The following SEC23IP variants were observed in gnomAD, a reference collection of about 807,000 sequenced individuals.
SEC23IP encodes SEC23-interacting protein.
A neutral mutation model predicts 113.4 loss-of-function variants in SEC23IP; 70 were observed. That is an observed-to-expected ratio of 0.62 (90% CI 0.51 to 0.75). The LOEUF is 0.75. SEC23IP is among the 30% of genes least tolerant of loss of function. The pLI, the probability that SEC23IP is intolerant of heterozygous loss-of-function variation, is 0.00. For synonymous variants in SEC23IP, 398 were observed against 421.0 expected, an observed-to-expected ratio of 0.95 and a Z score of 0.67; for missense variants, 1,160 against 1,204.9, an observed-to-expected ratio of 0.96 and a Z score of 0.55.
intron 10 of SEC23IP, 128 bp downstream of exon 10, chr10:119,918,639 C>G: frequency 1.6e-6 from 1 of 626,400 alleles, no homozygotes; most frequent in South Asian, 2.0e-5. Context: ...TTAACTGAGC[C>G]TCATTGGTTG....
At position 119,932,200 on chromosome 10, in the gene SEC23IP, T is replaced by A; in HGVS notation, c.2640T>A (p.Ser880Arg). 6.2e-7 allele frequency: 1 copy of A among 1,613,198 alleles called. No homozygotes were observed. Among genetic ancestry groups the A allele is most frequent in the Non-Finnish European group, 8.5e-7 (1 of 1,179,154 alleles). Reference sequence around the variant, plus strand: ...AGGGTTTTATTAGCTCTCTCAAAAGTGCTTGGCAGACATTAAATGAGTTTG... The same window carrying A: ...AGGGTTTTATTAGCTCTCTCAAAAGAGCTTGGCAGACATTAAATGAGTTTG... ...LKQGFISSLKSAWQTLNEFAR... is the reference protein window; with the variant it reads ...LKQGFISSLKRAWQTLNEFAR... The change falls in exon 16 of 19, where the codon AGT becomes AGA. Residue 880 changes from serine to arginine, a missense_variant. Physicochemically the swap from Ser to Arg is moderately radical, Grantham distance 110. Coordinates refer to ENST00000369075, the MANE Select transcript of SEC23IP (RefSeq NM_007190.4).
At chr10:119,916,280 T>C (rs1024276652) in intron 8 of SEC23IP, among the ~76,000 whole-genome samples, 13 of 152,198 alleles carry the variant, frequency 8.5e-5, no homozygotes, top group African/African-American at 3.1e-4. Flanking sequence ...AGATTCAGAA[T>C]ATTGTTTCTC....
At chr10:119,910,888 T>C (rs1854835065) in intron 5 of SEC23IP, among the ~76,000 whole-genome samples, 1 of 152,002 alleles carries the variant, frequency 6.6e-6, no homozygotes, top group Non-Finnish European at 1.5e-5. Flanking sequence ...TCTTGCTATC[T>C]TGCCCAGGCT....
In SEC23IP at chr10:119,929,649, T is replaced by A; in HGVS notation, c.2356T>A (p.Phe786Ile). 1 of 1,610,524 alleles carries A rather than the reference T, an allele frequency of 6.2e-7. No individual in the cohort carries two copies. The highest frequency in any genetic ancestry group is 8.5e-7 in the Non-Finnish European group (1 of 1,176,704). Reference sequence around the variant, plus strand: ...CTCATTAGATTTTGAACCAGAGATATTCTTTGCCTTGGGGTCTCCAATTGC... The same window carrying A: ...CTCATTAGATTTTGAACCAGAGATAATCTTTGCCTTGGGGTCTCCAATTGC... ...YNSLDFEPEIFFALGSPIAMF... is the reference protein window; with the variant it reads ...YNSLDFEPEIIFALGSPIAMF... The change falls in exon 14 of 19, where the codon TTC becomes ATC. Residue 786 changes from phenylalanine to isoleucine, a missense_variant. Phe to Ile is a conservative substitution (Grantham distance 21, BLOSUM62 0). Coordinates refer to ENST00000369075, the MANE Select transcript of SEC23IP (RefSeq NM_007190.4).
At chr10:119,908,001 C>G (rs908470886) in intron 4 of SEC23IP, among the ~76,000 whole-genome samples, 1 of 152,096 alleles carries the variant, frequency 6.6e-6, no homozygotes. Flanking sequence ...ATCACATCTA[C>G]ATTTCATGAG....
In SEC23IP at chr10:119,898,962, A is replaced by T; in HGVS notation, c.696+3A>T. The T allele has an allele frequency of 1.3e-6, 2 of 1,552,928 alleles. No homozygotes were observed. Among genetic ancestry groups the T allele is most frequent in the Non-Finnish European group, 1.7e-6 (2 of 1,155,378 alleles). On this transcript the variant is annotated splice_donor_region_variant and intron_variant, in intron 2 of 18. Coordinates refer to ENST00000369075, the MANE Select transcript of SEC23IP (RefSeq NM_007190.4). ...TGCCTCCAGGATCTTTGCCACCGGT[A>T]TGGAGACATGATTTTGTGTCCTACT...
intron 2 of SEC23IP, among the ~76,000 whole-genome samples, chr10:119,900,700 T>A (rs1854461317): frequency 1.3e-5 from 2 of 152,102 alleles, no homozygotes; most frequent in Admixed American, 1.3e-4. Context: ...CCTCAAGTGA[T>A]CTTCCTGCCT....
At position 119,933,112 on chromosome 10, in the gene SEC23IP, C is replaced by A. The variant is rs1855659573; in HGVS notation, c.2866C>A (p.Pro956Thr). Residue 956 changes from proline to threonine, a missense_variant, in exon 17 of 19, where the codon CCA becomes ACA. Coordinates refer to ENST00000369075, the MANE Select transcript of SEC23IP (RefSeq NM_007190.4). ...RRIDYVLQEK[P>T]IESFNEYLFA... is the part of the protein sequence containing the mutation. ...AATTGACTACGTTCTCCAAGAAAAA[C>A]CAATAGAGAGTTTTAATGAATACCT... 7 of 1,613,774 alleles carry A rather than the reference C, an allele frequency of 4.3e-6. No homozygotes were observed. Among genetic ancestry groups the A allele is most frequent in the South Asian group, 3.3e-5 (3 of 91,078 alleles).
At chr10:119,938,127 A>T (rs1589854759) in intron 18 of SEC23IP, among the ~76,000 whole-genome samples, 1 of 76,010 alleles carries the variant, frequency 1.3e-5, no homozygotes, top group Admixed American at 1.4e-4. Flanking sequence ...CTCGTCTCTT[A>T]AAAAAAAAAA....
chr10:119,908,965 C>T (rs566211940), intron 4 of SEC23IP, 76 bp from the exon 5 acceptor site: 1 of 930,080 alleles, frequency 1.1e-6, no homozygotes, highest in South Asian at 1.5e-5. Flanking sequence ...ATTATAGTGA[C>T]CGTTTTCCTC....
intron 11 of SEC23IP, among the ~76,000 whole-genome samples, chr10:119,920,318 T>TA (rs1419158210): frequency 6.6e-6 from 1 of 152,190 alleles, no homozygotes; most frequent in African/African-American, 2.4e-5. Flanking sequence ...GTTTGCAAGG[T>TA]AACAAAACAT....
chr10:119,929,666 T>C lies in SEC23IP; in HGVS notation c.2373T>C (p.Ser791=). ...FEPEIFFALG[S]PIAMFLTIRG... ...CAGAGATATTCTTTGCCTTGGGGTC[T>C]CCAATTGCTATGTTTCTCACTATTC... The change falls in exon 14 of 19, where the codon TCT becomes TCC. Residue 791 remains serine (S), a synonymous_variant. Coordinates refer to ENST00000369075, the MANE Select transcript of SEC23IP (RefSeq NM_007190.4). 6.2e-7 allele frequency: 1 copy of C among 1,607,706 alleles called. No individual in the cohort carries two copies. The highest frequency in any genetic ancestry group is 8.5e-7 in the Non-Finnish European group (1 of 1,174,122).
chr10:119,915,535 C>G (rs955354814), intron 7 of SEC23IP, among the ~76,000 whole-genome samples: 15 of 152,126 alleles, frequency 9.9e-5, no homozygotes, highest in African/African-American at 3.4e-4. Context: ...AGCATCTATT[C>G]CTTTGCAATA....
intron 4 of SEC23IP, among the ~76,000 whole-genome samples, chr10:119,907,915 G>A (rs1207952627): frequency 6.6e-6 from 1 of 152,124 alleles, no homozygotes; most frequent in Admixed American, 6.6e-5. Flanking sequence ...TTGCACCACT[G>A]TACTCCAGAC....
intron 6 of SEC23IP, among the ~76,000 whole-genome samples, chr10:119,912,733 C>T (rs1854908262): frequency 6.6e-6 from 1 of 151,308 alleles, no homozygotes; most frequent in Admixed American, 6.6e-5. Context: ...CTCCGCCTCC[C>T]AGGTTCATGC....
Position 119,926,065 on chromosome 10 carries a change from G to C in SEC23IP, c.2151G>C (p.Val717=), listed in dbSNP as rs754168764. 6.2e-7 allele frequency: 1 copy of C among 1,613,556 alleles called. No homozygotes were observed. The highest frequency in any genetic ancestry group is 8.5e-7 in the Non-Finnish European group (1 of 1,179,774). The change falls in exon 13 of 19, where the codon GTG becomes GTC. Residue 717 remains valine, a synonymous_variant. Transcript: ENST00000369075. ...LKKAASEKKA[V]AATSTKGQEQ... is the part of the protein sequence containing the mutation. ...AAGCAGCGTCAGAAAAGAAGGCAGT[G>C]GCGGCCACTTCTACAAAAGGACAAG...
chr10:119,902,088 G>A (rs1189925684), intron 2 of SEC23IP, among the ~76,000 whole-genome samples: 1 of 152,204 alleles, frequency 6.6e-6, no homozygotes, highest in African/African-American at 2.4e-5. Flanking sequence ...CGGGTGTGGT[G>A]GCTCACACCT....
chr10:119,926,127 TC>T lies in SEC23IP; in HGVS notation c.2217del (p.Ser740GlnfsTer21), dbSNP rs1192525253. 6.8e-6 allele frequency: 11 copies of T among 1,613,936 alleles called. No homozygotes were observed. The highest frequency in any genetic ancestry group is 9.3e-6 in the Non-Finnish European group (11 of 1,179,984). Reference protein sequence around the residue: ...SAQKTKDMASLPSESNEPKRK... With the variant: ...SAQKTKDMASXPSESNEPKRK... ...CAGAAGACTAAAGACATGGCTTCCC[TC>T]CCCTCAGAATCCAATGAGCCAAAGA... On this transcript the variant is annotated frameshift_variant, in exon 13 of 19. Coordinates refer to ENST00000369075, the MANE Select transcript of SEC23IP (RefSeq NM_007190.4). LOFTEE classifies it high-confidence loss of function.
At chr10:119,895,124 C>T (rs1854231012) in intron 1 of SEC23IP, among the ~76,000 whole-genome samples, 1 of 152,172 alleles carries the variant, frequency 6.6e-6, no homozygotes, top group South Asian at 2.1e-4. Flanking sequence ...TGGCTCACGC[C>T]TGTAATCCCA....
Sources: gnomAD v4.1 joint callset for allele counts (sites outside exome capture counted in the v4.1 genomes callset) on GRCh38, gnomAD v4.1.1 for gene constraint, MANE v1.5 for transcripts, NCBI Gene and HGNC (gene_info 2026-07-23, HGNC 2026-07-21) for gene names.